The following PRKCQ variants were observed in gnomAD, a reference collection of about 807,000 sequenced individuals.
The protein encoded by PRKCQ is protein kinase C theta.
Under a neutral mutation model 91.2 loss-of-function variants are expected in PRKCQ, and 41 were observed. The ratio of observed to expected loss-of-function variants is 0.45; its 90% confidence interval spans 0.35 to 0.58. The LOEUF (loss-of-function observed/expected upper bound fraction) is 0.58. PRKCQ is among the 20% of genes least tolerant of loss of function. The pLI, the probability that PRKCQ is intolerant of heterozygous loss-of-function variation, is 0.00. For synonymous variants in PRKCQ, 307 were observed against 316.9 expected (o/e 0.97, Z 0.33); for missense variants, 673 against 896.5 (o/e 0.75, Z 3.18).
intron 1 of PRKCQ, among the ~76,000 whole-genome samples, chr10:6,541,285 G>C (rs1839767214): frequency 6.6e-6 from 1 of 152,200 alleles, no homozygotes; most frequent in South Asian, 2.1e-4. Context: ...TCTGAATTTG[G>C]CGTTGGCCTA....
At chr10:6,470,026 A>G (rs565613265) in intron 12 of PRKCQ, among the ~76,000 whole-genome samples, 68 of 152,280 alleles carry the variant, frequency 4.5e-4, no homozygotes, top group Non-Finnish European at 3.7e-4. Flanking sequence ...TGCAGTCATA[A>G]TGAGCTTCCA....
At chr10:6,487,708 C>T (rs1436930469) in intron 8 of PRKCQ, among the ~76,000 whole-genome samples, 1 of 152,028 alleles carries the variant, frequency 6.6e-6, no homozygotes, top group African/African-American at 2.4e-5. Flanking sequence ...TGAAACATCA[C>T]CATTAAAGGC....
the PRKCQ span, among the ~76,000 whole-genome samples, chr10:6,408,074 T>A: frequency 1.4e-4 from 12 of 88,296 alleles, no homozygotes; most frequent in African/African-American, 3.7e-4. Flanking sequence ...TTTTTTTTTT[T>A]ACATTTTTTG....
intron 12 of PRKCQ, among the ~76,000 whole-genome samples, chr10:6,472,180 C>T (rs371438523): frequency 7.2e-5 from 11 of 152,056 alleles, no homozygotes; most frequent in African/African-American, 2.4e-4. Flanking sequence ...TGGTGGTGGG[C>T]GCCTGTAGTC....
chr10:6,474,389 T>A (rs1836160118), intron 12 of PRKCQ, among the ~76,000 whole-genome samples: 1 of 152,210 alleles, frequency 6.6e-6, no homozygotes, highest in South Asian at 2.1e-4. Context: ...ACTACTTAAA[T>A]GTCAGAATAC....
chr10:6,520,942 A>G (rs1410248107), intron 1 of PRKCQ, among the ~76,000 whole-genome samples: 3 of 152,192 alleles, frequency 2.0e-5, no homozygotes, highest in African/African-American at 7.2e-5. Context: ...TCTGCAATAC[A>G]TTCAGCAAAA....
the PRKCQ span, among the ~76,000 whole-genome samples, chr10:6,395,759 G>A: frequency 7.5e-3 from 1,143 of 152,228 alleles, 10 homozygotes; most frequent in African/African-American, 0.026. Flanking sequence ...GAAGCAAGGC[G>A]GAGTCAGGTC....
At chr10:6,529,019 T>A (rs1257640690) in intron 1 of PRKCQ, among the ~76,000 whole-genome samples, 1 of 152,208 alleles carries the variant, frequency 6.6e-6, no homozygotes, top group Non-Finnish European at 1.5e-5. Context: ...TTTCTCGGAA[T>A]ACCCTAAGTT....
intron 1 of PRKCQ, among the ~76,000 whole-genome samples, chr10:6,537,390 G>A (rs1419119022): frequency 6.6e-6 from 1 of 152,044 alleles, no homozygotes; most frequent in Non-Finnish European, 1.5e-5. Flanking sequence ...TATCCAAGTC[G>A]GTCTCTTGTC....
the PRKCQ span, among the ~76,000 whole-genome samples, chr10:6,413,173 T>C: frequency 0.55 from 83,592 of 151,908 alleles, 23,540 homozygotes; most frequent in African/African-American, 0.63. Context: ...AGGATGGTTT[T>C]GATCTCCTGA....
chr10:6,463,826 C>T (rs1359367825), intron 13 of PRKCQ, among the ~76,000 whole-genome samples: 1 of 152,152 alleles, frequency 6.6e-6, no homozygotes, highest in Non-Finnish European at 1.5e-5. Flanking sequence ...CCACCAGGTA[C>T]ACACAGCCTG....
At chr10:6,553,961 G>A (rs996061256) in intron 1 of PRKCQ, among the ~76,000 whole-genome samples, 1 of 88,188 alleles carries the variant, frequency 1.1e-5, no homozygotes, top group African/African-American at 4.3e-5. Context: ...ACAAAAAAGT[G>A]CAGTGGAAAC....
intron 16 of PRKCQ, among the ~76,000 whole-genome samples, chr10:6,435,869 T>A (rs147767765): frequency 6.6e-6 from 1 of 152,202 alleles, no homozygotes; most frequent in African/African-American, 2.4e-5. Flanking sequence ...TCCCAGCACA[T>A]TGGGAGGCTG....
At chr10:6,541,301 T>A (rs1839768440) in intron 1 of PRKCQ, among the ~76,000 whole-genome samples, 1 of 152,250 alleles carries the variant, frequency 6.6e-6, no homozygotes, top group South Asian at 2.1e-4. Flanking sequence ...GCCTAGTTTT[T>A]CAGTCTACAT....
intron 14 of PRKCQ, among the ~76,000 whole-genome samples, chr10:6,461,773 C>G (rs1389549838): frequency 6.6e-6 from 1 of 152,052 alleles, no homozygotes; most frequent in African/African-American, 2.4e-5. Flanking sequence ...GGAAATCTGA[C>G]AGTAAGCTTG....
chr10:6,577,754 T>C (rs184670502), intron 1 of PRKCQ, among the ~76,000 whole-genome samples: 4 of 151,640 alleles, frequency 2.6e-5, no homozygotes. Context: ...AATCAGCAAC[T>C]CTAAGACATC....
chr10:6,424,594 C>T (rs1010114712), downstream of PRKCQ, among the ~76,000 whole-genome samples: 1 of 152,208 alleles, frequency 6.6e-6, no homozygotes, highest in Non-Finnish European at 1.5e-5. Context: ...AAGGCTGATG[C>T]TTCCTCTGTT....
Position 6,552,460 on chromosome 10 carries a change from CTTTT to C in PRKCQ, c.-10+27747_-10+27750del, listed in dbSNP as rs59752400. Among the ~76,000 whole-genome samples the C allele has an allele frequency of 1.0e-3, 141 of 137,296 alleles. 1 individual carries two copies. The highest frequency in any genetic ancestry group is 1.3e-3 in the East Asian group (6 of 4,732). 90.1% of individuals were successfully genotyped at this position (137,296 alleles called of 152,430 possible). ...AACAGCAGGGCTCAAACCTGTTAGTCTTTTTTTTTTTTTTTTGTCTTTCTAGACA... is the reference window on the plus strand; with the variant it reads ...AACAGCAGGGCTCAAACCTGTTAGTCTTTTTTTTTTTTGTCTTTCTAGACA... On this transcript the variant is annotated intron_variant, in intron 1 of 17. Coordinates refer to ENST00000263125, the MANE Select transcript of PRKCQ (RefSeq NM_006257.5).
intron 1 of PRKCQ, among the ~76,000 whole-genome samples, chr10:6,538,965 T>C (rs1197324101): frequency 2.6e-5 from 4 of 152,272 alleles, no homozygotes; most frequent in Non-Finnish European, 4.4e-5. Context: ...GGTTTTACCA[T>C]GTTGCCCAGG....
Sources: allele counts gnomAD v4.1 joint callset (sites outside exome capture counted in the v4.1 genomes callset), GRCh38; gene constraint gnomAD v4.1.1; transcripts MANE v1.5; gene names NCBI Gene and HGNC (gene_info 2026-07-23, HGNC 2026-07-21).